The following PSMA8 variants were observed in gnomAD, a reference collection of about 807,000 sequenced individuals.
PSMA8 encodes proteasome subunit alpha-type 8.
A neutral mutation model predicts 32.4 loss-of-function variants in PSMA8; 18 were observed. The observed-to-expected ratio is 0.56, with a 90% CI of 0.38 to 0.82. The LOEUF (loss-of-function observed/expected upper bound fraction) is 0.82, where lower values mean the gene tolerates loss of function less well. PSMA8 is among the 40% of genes least tolerant of loss of function. The pLI is 0.00. For synonymous variants in PSMA8, 104 were observed against 98.1 expected, an observed-to-expected ratio of 1.06 and a Z score of -0.36; for missense variants, 298 against 300.7, an observed-to-expected ratio of 0.99 and a Z score of 0.07.
intron 4 of PSMA8, among the ~76,000 whole-genome samples, chr18:26,161,876 T>C (rs943322636): frequency 1.1e-4 from 17 of 152,168 alleles, no homozygotes; most frequent in Admixed American, 1.0e-3. Flanking sequence ...GCCCTTTCCA[T>C]GGCAGAAAAG....
At chr18:26,135,445 G>A (rs570906969) in intron 1 of PSMA8, among the ~76,000 whole-genome samples, 4 of 151,844 alleles carry the variant, frequency 2.6e-5, no homozygotes, top group Non-Finnish European at 4.4e-5. Context: ...AAATCTAACA[G>A]ATGTAAGTGG....
chr18:26,135,411 A>G (rs1396811648), intron 1 of PSMA8, among the ~76,000 whole-genome samples: 1 of 152,178 alleles, frequency 6.6e-6, no homozygotes, highest in Admixed American at 6.5e-5. Flanking sequence ...TTTGTTAAAG[A>G]AGGAAATAAT....
intron 4 of PSMA8, among the ~76,000 whole-genome samples, chr18:26,178,611 C>CA (rs918187781): frequency 1.6e-4 from 25 of 151,864 alleles, no homozygotes; most frequent in Non-Finnish European, 7.4e-5. Context: ...CTAAAACAAA[C>CA]AAAAAAAGGA....
intron 1 of PSMA8, chr18:26,140,101 T>C (rs1363794123): frequency 1.4e-6 from 1 of 703,042 alleles, no homozygotes; most frequent in South Asian, 1.5e-5. Flanking sequence ...TGTCTGCACA[T>C]TTGAAAAAGT....
At chr18:26,144,405 C>T (rs2054984279) in intron 1 of PSMA8, among the ~76,000 whole-genome samples, 154 bp from the exon 2 acceptor site, 1 of 152,142 alleles carries the variant, frequency 6.6e-6, no homozygotes, top group Non-Finnish European at 1.5e-5. Flanking sequence ...TCCAGTAAGC[C>T]TATACCTATG....
chr18:26,135,659 G>A (rs760822263), intron 1 of PSMA8, among the ~76,000 whole-genome samples: 30 of 152,248 alleles, frequency 2.0e-4, no homozygotes, highest in Admixed American at 7.2e-4. Flanking sequence ...CATATGGTTA[G>A]AAACTAATGG....
At chr18:26,141,713 C>CTT (rs1011733993) in intron 1 of PSMA8, among the ~76,000 whole-genome samples, 90 of 109,976 alleles carry the variant, frequency 8.2e-4, no homozygotes, top group African/African-American at 1.2e-3. Context: ...TTTCTTTTTT[C>CTT]TTTTTTTTTT....
At chr18:26,159,020 G>A (rs1158210815) in intron 4 of PSMA8, among the ~76,000 whole-genome samples, 3 of 151,930 alleles carry the variant, frequency 2.0e-5, no homozygotes, top group Non-Finnish European at 4.4e-5. Flanking sequence ...AAAAAACACT[G>A]CTACATGCCA....
chr18:26,192,016 A>T (rs1250920160), intron 6 of PSMA8, among the ~76,000 whole-genome samples: 1 of 152,216 alleles, frequency 6.6e-6, no homozygotes, highest in Non-Finnish European at 1.5e-5. Flanking sequence ...CATGAATAAA[A>T]TTAAGCCTCG....
At chr18:26,160,480 C>A (rs1022112307) in intron 4 of PSMA8, among the ~76,000 whole-genome samples, 2 of 152,162 alleles carry the variant, frequency 1.3e-5, no homozygotes, top group Admixed American at 6.5e-5. Flanking sequence ...AGAATAAAAT[C>A]TTCTGACTTG....
Position 26,144,605 on chromosome 18 carries a change from A to G in PSMA8, c.149A>G (p.Lys50Arg). 2 of 1,613,840 alleles carry G rather than the reference A, an allele frequency of 1.2e-6. No homozygotes were observed. Among genetic ancestry groups the G allele is most frequent in the Non-Finnish European group, 1.7e-6 (2 of 1,179,828 alleles). The change falls in exon 2 of 7, where the codon AAA (lysine) becomes AGA (arginine). Residue 50 changes from lysine (K) to arginine (R), a missense_variant. Transcript: ENST00000415576. Reference sequence around the variant, plus strand: ...ATAGTTGTTCTTGGGGTAGAAAAAAAATCTGTTGCCAAGCTTCAAGATGAA... The same window carrying G: ...ATAGTTGTTCTTGGGGTAGAAAAAAGATCTGTTGCCAAGCTTCAAGATGAA... ...TNIVVLGVEK[K>R]SVAKLQDERT...
chr18:26,158,347 T>C, intron 4 of PSMA8, 103 bp downstream of exon 4: 1 of 943,536 alleles, frequency 1.1e-6, no homozygotes, highest in Non-Finnish European at 1.6e-6. Flanking sequence ...GCATTAAATA[T>C]TGATATTGGT....
chr18:26,182,540 C>T lies in PSMA8; in HGVS notation c.660+3410C>T, dbSNP rs531280391. On this transcript the variant is annotated intron_variant, in intron 6 of 6. Transcript: ENST00000415576. ...AGATTCCTTTCAAAATGTTACTGCT[C>T]ATTCACAGTCCACCTAGTCACCCAG... Among the ~76,000 whole-genome samples the T allele has an allele frequency of 2.0e-3, 309 of 152,322 alleles. 2 individuals are homozygous for T. The highest frequency in any genetic ancestry group is 7.1e-3 in the African/African-American group (297 of 41,588).
chr18:26,165,694 C>T (rs1209621725), intron 4 of PSMA8, among the ~76,000 whole-genome samples: 1 of 152,018 alleles, frequency 6.6e-6, no homozygotes, highest in Non-Finnish European at 1.5e-5. Context: ...AAATCTCTAC[C>T]TTTTAGAGAT....
At chr18:26,145,690 T>C (rs954146143) in intron 2 of PSMA8, among the ~76,000 whole-genome samples, 3 of 152,242 alleles carry the variant, frequency 2.0e-5, no homozygotes, top group Non-Finnish European at 2.9e-5. Flanking sequence ...TTGTTGCATA[T>C]ATCCATTCCT....
chr18:26,164,288 G>A (rs1343785905), intron 4 of PSMA8, among the ~76,000 whole-genome samples: 1 of 152,112 alleles, frequency 6.6e-6, no homozygotes, highest in Non-Finnish European at 1.5e-5. Flanking sequence ...ATTAAAAATA[G>A]ATAAATAATA....
At chr18:26,179,768 A>C (rs573287219) in intron 6 of PSMA8, among the ~76,000 whole-genome samples, 1 of 152,106 alleles carries the variant, frequency 6.6e-6, no homozygotes, top group East Asian at 1.9e-4. Flanking sequence ...AATTTGGGAA[A>C]CTATATAAGA....
intron 6 of PSMA8, among the ~76,000 whole-genome samples, chr18:26,185,151 G>T (rs868375159): frequency 6.8e-6 from 1 of 147,038 alleles, no homozygotes; most frequent in Admixed American, 6.7e-5. Flanking sequence ...TACTGAAAAT[G>T]AAAATTCTCC....
chr18:26,172,389 A>G (rs2055229313), intron 4 of PSMA8, among the ~76,000 whole-genome samples: 1 of 152,230 alleles, frequency 6.6e-6, no homozygotes, highest in Admixed American at 6.5e-5. Flanking sequence ...ATAGACTGGA[A>G]ATAGATTTAC....
Sources: allele counts gnomAD v4.1 joint callset (sites outside exome capture counted in the v4.1 genomes callset), GRCh38; gene constraint gnomAD v4.1.1; transcripts MANE v1.5; gene names NCBI Gene and HGNC (gene_info 2026-07-23, HGNC 2026-07-21).